The following CLYBL variants were observed in gnomAD, a reference collection of about 807,000 sequenced individuals.
The protein encoded by CLYBL is citramalyl-CoA lyase, mitochondrial.
Under a neutral mutation model 38.9 loss-of-function variants are expected in CLYBL, and 31 were observed. That is an observed-to-expected ratio of 0.80 (90% confidence interval 0.60 to 1.08). The LOEUF (loss-of-function observed/expected upper bound fraction) is 1.08, where lower values mean the gene tolerates loss of function less well. Among genes scored for constraint, CLYBL ranks in the 50% least tolerant of loss-of-function variants. CLYBL has a pLI of 0.00. For synonymous variants in CLYBL, 171 were observed against 158.6 expected (o/e 1.08, Z -0.59); for missense variants, 434 against 411.6 (o/e 1.05, Z -0.47).
intron 1 of CLYBL, among the ~76,000 whole-genome samples, chr13:99,737,594 T>G (rs1215846964): frequency 6.6e-6 from 1 of 152,216 alleles, no homozygotes; most frequent in Non-Finnish European, 1.5e-5. Context: ...TGGGGACTCA[T>G]GACTGGTTGT....
intron 1 of CLYBL, among the ~76,000 whole-genome samples, chr13:99,608,847 CTTT>C (rs57961216): frequency 0.013 from 1,112 of 86,922 alleles, no homozygotes; most frequent in African/African-American, 0.022. Context: ...AGTGATGAGT[CTTT>C]TTTTTTTTTT....
chr13:99,804,928 C>G (rs182399959), intron 2 of CLYBL, among the ~76,000 whole-genome samples: 16 of 152,334 alleles, frequency 1.1e-4, no homozygotes, highest in East Asian at 3.9e-4. Context: ...CCATTTCCCC[C>G]TCCCGTCCCT....
At chr13:99,645,968 T>C (rs1276771550) in intron 1 of CLYBL, among the ~76,000 whole-genome samples, 1 of 152,176 alleles carries the variant, frequency 6.6e-6, no homozygotes, top group African/African-American at 2.4e-5. Flanking sequence ...TGTCAGGGTA[T>C]CTTCTTTCCT....
chr13:99,666,485 A>T (rs1401572312), intron 1 of CLYBL, among the ~76,000 whole-genome samples: 2 of 151,880 alleles, frequency 1.3e-5, no homozygotes, highest in Non-Finnish European at 2.9e-5. Flanking sequence ...CACAAATCTC[A>T]TGGGGTTTTT....
chr13:99,847,649 G>C (rs1352503593), intron 2 of CLYBL, among the ~76,000 whole-genome samples: 1 of 152,142 alleles, frequency 6.6e-6, no homozygotes, highest in Non-Finnish European at 1.5e-5. Flanking sequence ...CTCTGGAGAG[G>C]AGCCCACCTG....
intron 7 of CLYBL, among the ~76,000 whole-genome samples, chr13:99,878,688 A>G (rs1310578486): frequency 6.6e-6 from 1 of 152,210 alleles, no homozygotes; most frequent in African/African-American, 2.4e-5. Flanking sequence ...TAAGCACAAA[A>G]CCTAATTTGA....
chr13:99,696,375 A>G lies in CLYBL; in HGVS notation c.63-76449A>G, dbSNP rs553907034. ...CTCCTGAATAGCTGGGACCATAGGTATATGCCACCACACCCAGCTAATTTT... is the reference window on the plus strand; with the variant it reads ...CTCCTGAATAGCTGGGACCATAGGTGTATGCCACCACACCCAGCTAATTTT... On this transcript the variant is annotated intron_variant, in intron 1 of 8. Coordinates refer to ENST00000339105, the MANE Select transcript of CLYBL (RefSeq NM_206808.5). 4.6e-5 allele frequency among the ~76,000 whole-genome samples: 7 copies of G among 152,044 alleles called. No homozygotes were observed. The Middle Eastern group carries it at 0.017, about 369-fold the overall frequency.
intron 1 of CLYBL, among the ~76,000 whole-genome samples, chr13:99,632,853 A>G (rs2046965135): frequency 6.6e-6 from 1 of 152,244 alleles, no homozygotes; most frequent in African/African-American, 2.4e-5. Flanking sequence ...CAATTAATAG[A>G]CAAGGACTTT....
intron 2 of CLYBL, among the ~76,000 whole-genome samples, chr13:99,842,796 A>G (rs1419912502): frequency 6.6e-6 from 1 of 151,822 alleles, no homozygotes; most frequent in Non-Finnish European, 1.5e-5. Context: ...GGTCCCAGCT[A>G]CTCTGGAGGC....
rs1566340229 is a variant in CLYBL at position 99,819,452 on chromosome 13, ATATATATATATAT to A, written c.250-39408_250-39396del. 3.0e-3 allele frequency among the ~76,000 whole-genome samples: 246 copies of A among 83,030 alleles called. 5 individuals carry two copies. The highest frequency in any genetic ancestry group is 8.5e-3 in the Admixed American group (58 of 6,846). 54.5% of individuals were successfully genotyped at this position (83,030 alleles called of 152,430 possible). The stretch of plus-strand genomic sequence containing the variant: ...TATATATATATATATATATATATAT[ATATATATATATAT>A]ATAATATTTGTCAGGGTTGTCTGGG... On this transcript the variant is annotated intron_variant, in intron 2 of 8. Transcript: ENST00000339105.
chr13:99,838,462 A>C (rs1176009836), intron 2 of CLYBL, among the ~76,000 whole-genome samples: 6 of 152,148 alleles, frequency 3.9e-5, no homozygotes, highest in Non-Finnish European at 8.8e-5. Flanking sequence ...CGATGCCTAC[A>C]ATTTTTATCT....
At chr13:99,637,964 T>TA (rs201965926) in intron 1 of CLYBL, among the ~76,000 whole-genome samples, 23 of 132,330 alleles carry the variant, frequency 1.7e-4, no homozygotes, top group African/African-American at 7.3e-4. Flanking sequence ...AACAGTGCCT[T>TA]TTTTTTTTTT....
chr13:99,608,426 C>T (rs1566586885), intron 1 of CLYBL, among the ~76,000 whole-genome samples: 1 of 152,160 alleles, frequency 6.6e-6, no homozygotes. Context: ...TCACCCATGT[C>T]CTATGGGAGG....
chr13:99,820,236 G>A (rs1274868079), intron 2 of CLYBL, among the ~76,000 whole-genome samples: 2 of 152,202 alleles, frequency 1.3e-5, no homozygotes, highest in African/African-American at 4.8e-5. Flanking sequence ...GGGCTTTAAG[G>A]TGAACATTGC....
chr13:99,657,866 G>T (rs889177992), intron 1 of CLYBL, among the ~76,000 whole-genome samples: 6 of 152,220 alleles, frequency 3.9e-5, no homozygotes, highest in African/African-American at 9.6e-5. Context: ...GTGGTCTTCA[G>T]CGAGTTTCTT....
chr13:99,623,214 C>G lies in CLYBL; in HGVS notation c.62+16457C>G, dbSNP rs7996029. Among the ~76,000 whole-genome samples, 815 of 152,320 alleles carry G rather than the reference C, an allele frequency of 5.4e-3. 3 individuals carry two copies. Among genetic ancestry groups the G allele is most frequent in the African/African-American group, 0.019 (784 of 41,564 alleles). On this transcript the variant is annotated intron_variant, in intron 1 of 8. Transcript: ENST00000339105. ...CACAGTGGCTGCACCATTTTACATT[C>G]CACCAGCAATGTACAAGCGTTCTGA...
At chr13:99,825,316 T>A (rs1387511964) in intron 2 of CLYBL, among the ~76,000 whole-genome samples, 1 of 152,062 alleles carries the variant, frequency 6.6e-6, no homozygotes, top group African/African-American at 2.4e-5. Context: ...CTCTGTAAAA[T>A]GGGAATAATA....
intron 2 of CLYBL, among the ~76,000 whole-genome samples, chr13:99,836,159 G>T (rs1056709388): frequency 6.6e-6 from 1 of 152,172 alleles, no homozygotes; most frequent in Non-Finnish European, 1.5e-5. Context: ...GCTTCCAGCC[G>T]TGAGTATGAG....
At chr13:99,697,339 G>A (rs950742959) in intron 1 of CLYBL, among the ~76,000 whole-genome samples, 6 of 152,080 alleles carry the variant, frequency 3.9e-5, no homozygotes, top group Non-Finnish European at 8.8e-5. Context: ...GTCTTCTTTC[G>A]TGCTGATGTT....
Sources: gnomAD v4.1 joint callset for allele counts (sites outside exome capture counted in the v4.1 genomes callset) on GRCh38, gnomAD v4.1.1 for gene constraint, MANE v1.5 for transcripts, NCBI Gene and HGNC (gene_info 2026-07-23, HGNC 2026-07-21) for gene names.